MMRN2: variants seen among roughly 807,000 people sequenced by gnomAD.
The protein encoded by MMRN2 is multimerin 2, also known as multimerin-2.
A neutral mutation model predicts 68.8 loss-of-function variants in MMRN2; 53 were observed. That is an observed-to-expected ratio of 0.77 (90% CI 0.62 to 0.97). MMRN2 has a LOEUF of 0.97. Ranked by LOEUF, MMRN2 falls within the 50% of genes least tolerant of loss-of-function variation. The pLI, the probability that MMRN2 is intolerant of heterozygous loss-of-function variation, is 0.00. For missense variants in MMRN2, 1,266 were observed against 1,259.5 expected (o/e 1.01, Z -0.08); for synonymous variants, 564 against 551.6 (o/e 1.02, Z -0.32).
Position 86,943,675 on chromosome 10 carries a change from T to C in MMRN2, c.1109A>G (p.Gln370Arg). 6.2e-7 allele frequency: 1 copy of C among 1,611,726 alleles called. No individual in the cohort carries two copies. Among genetic ancestry groups the C allele is most frequent in the Non-Finnish European group, 8.5e-7 (1 of 1,180,010 alleles). ...AGARPEPDSLQARLGQLQRNL... is the reference protein window; with the variant it reads ...AGARPEPDSLRARLGQLQRNL... Reference sequence around the variant, plus strand: ...CCTCTGCAGCTGGCCCAGCCTGGCCTGCAGGCTGTCCGGCTCAGGCCTTGC... The same window carrying C: ...CCTCTGCAGCTGGCCCAGCCTGGCCCGCAGGCTGTCCGGCTCAGGCCTTGC... Residue 370 changes from glutamine to arginine, a missense_variant, in exon 6 of 7, where the codon CAG becomes CGG. Transcript: ENST00000372027. This position sits in a 1 kb window ranked among gnomAD's most constrained non-coding sequence, Gnocchi z 4.2.
rs867484384 is a variant in MMRN2 at position 86,950,282 on chromosome 10, G to A, written c.165-4593C>T. Among the ~76,000 whole-genome samples the A allele has an allele frequency of 3.9e-5, 6 of 152,036 alleles. No individual in the cohort carries two copies. In the Middle Eastern group the frequency reaches 0.01, roughly 260 times the overall value. ...CTTGACCCGGGAGGCAGAGGTTGTG[G>A]TGGGCCAAGATCACACCATTGCACT... On this transcript the variant is annotated intron_variant, in intron 1 of 6. Transcript: ENST00000372027.
chr10:86,951,036 C>A (rs1178470674), intron 1 of MMRN2, among the ~76,000 whole-genome samples: 2 of 151,982 alleles, frequency 1.3e-5, no homozygotes, highest in South Asian at 2.1e-4. Context: ...TGCAGTGAGC[C>A]AAGATCACGC....
At chr10:86,942,121 G>A (rs1283428425) in intron 6 of MMRN2, among the ~76,000 whole-genome samples, 196 bp downstream of exon 6, 1 of 152,206 alleles carries the variant, frequency 6.6e-6, no homozygotes, top group Admixed American at 6.5e-5. Flanking sequence ...TGTGACTTCT[G>A]TCTCCCCATA....
In MMRN2 at chr10:86,942,742, C is replaced by T; in HGVS notation, c.2042G>A (p.Ser681Asn). 1 of 1,413,810 alleles carries T rather than the reference C, an allele frequency of 7.1e-7. No individual in the cohort carries two copies. The highest frequency in any genetic ancestry group is 2.8e-5 in the East Asian group (1 of 35,168). The allele number at this position is 1,413,810 out of a possible 1,614,324, so 87.6% of individuals were successfully genotyped here. Residue 681 changes from serine to asparagine, a missense_variant, in exon 6 of 7, where the codon AGC (serine) becomes AAC (asparagine). By Grantham distance (46) the Ser-to-Asn change is conservative. Transcript: ENST00000372027. ...PPRPAEHLEPSHDAGREEAAT... is the reference protein window; with the variant it reads ...PPRPAEHLEPNHDAGREEAAT... ...GGCCTCCTCGCGGCCCGCGTCGTGG[C>T]TGGGCTCCAGGTGCTCTGCCGGCCG...
intron 1 of MMRN2, among the ~76,000 whole-genome samples, chr10:86,951,806 G>A (rs1044103491): frequency 1.3e-5 from 2 of 152,334 alleles, no homozygotes; most frequent in African/African-American, 4.8e-5. Flanking sequence ...CCAGCACTTT[G>A]GGAGGCCCAG....
intron 6 of MMRN2, among the ~76,000 whole-genome samples, chr10:86,938,966 C>T (rs1255049565): frequency 2.7e-5 from 4 of 147,628 alleles, no homozygotes; most frequent in African/African-American, 1.0e-4. Context: ...AATTCGAGAC[C>T]AGCGTGACCA....
Position 86,943,690 on chromosome 10 carries a change from T to G in MMRN2, c.1094A>C (p.Glu365Ala). The G allele has an allele frequency of 1.2e-6, 2 of 1,610,660 alleles. No individual in the cohort carries two copies. Among genetic ancestry groups the G allele is most frequent in the Non-Finnish European group, 1.7e-6 (2 of 1,180,000 alleles). ...LATPGAGARP[E>A]PDSLQARLGQ... ...CAGCCTGGCCTGCAGGCTGTCCGGC[T>G]CAGGCCTTGCCCCAGCCCCAGGCGT... Residue 365 changes from glutamate to alanine, a missense_variant, in exon 6 of 7, where the codon GAG (glutamate) becomes GCG (alanine). Coordinates refer to ENST00000372027, the MANE Select transcript of MMRN2 (RefSeq NM_024756.3). This position sits in a 1 kb window ranked among gnomAD's most constrained non-coding sequence, Gnocchi z 4.2.
At chr10:86,942,288 C>T (rs1389853090) in intron 6 of MMRN2, 29 bp downstream of exon 6, 2 of 1,574,212 alleles carry the variant, frequency 1.3e-6, no homozygotes, top group Admixed American at 1.8e-5. Context: ...CTCCTAGGCT[C>T]GTCCAGTCTC....
In MMRN2 at chr10:86,944,302, G is replaced by T; in HGVS notation, c.615C>A (p.Asn205Lys). ...TTGCTTCCATCACTGCAGCTGTGAG[G>T]TTACCAGGCAGGGCTTTCCACAGGC... ...LPGLWKALPGNLTAAVMEANQ... is the reference protein window; with the variant it reads ...LPGLWKALPGKLTAAVMEANQ... Residue 205 changes from asparagine to lysine, a missense_variant, in exon 5 of 7, where the codon AAC becomes AAA. Coordinates refer to ENST00000372027, the MANE Select transcript of MMRN2 (RefSeq NM_024756.3). The T allele has an allele frequency of 6.2e-7, 1 of 1,613,220 alleles. No homozygotes were observed.
In MMRN2 at chr10:86,942,373, T is replaced by G; in HGVS notation, c.2411A>C (p.Asp804Ala). Residue 804 changes from aspartate (D) to alanine (A), a missense_variant, in exon 6 of 7, where the codon GAC (aspartate) becomes GCC (alanine). Transcript: ENST00000372027. ...TGGCACAGGCCCTGTGACCCGTATG[T>G]CCACCAAAGGCTCCGCTTCCTTCTT... Reference protein sequence around the residue: ...RDKKEAEPLVDIRVTGPVPGA... With the variant: ...RDKKEAEPLVAIRVTGPVPGA... 6.2e-7 allele frequency: 1 copy of G among 1,614,122 alleles called. No individual in the cohort carries two copies. The highest frequency in any genetic ancestry group is 8.5e-7 in the Non-Finnish European group (1 of 1,179,988).
At chr10:86,940,313 A>G (rs976479631) in intron 6 of MMRN2, among the ~76,000 whole-genome samples, 1 of 152,140 alleles carries the variant, frequency 6.6e-6, no homozygotes, top group African/African-American at 2.4e-5. Context: ...CCCGGCCTGG[A>G]AATTTGTTTT....
At chr10:86,946,766 G>A (rs1057013956) in intron 1 of MMRN2, among the ~76,000 whole-genome samples, 6 of 152,190 alleles carry the variant, frequency 3.9e-5, no homozygotes, top group East Asian at 1.9e-4. Flanking sequence ...CTTGGGTGCC[G>A]GGTGCTGCAC....
chr10:86,940,803 G>A (rs1843954875), intron 6 of MMRN2, among the ~76,000 whole-genome samples: 1 of 152,238 alleles, frequency 6.6e-6, no homozygotes, highest in Admixed American at 6.5e-5. Context: ...GTGTCTGGGT[G>A]GGGAGAGGCC....
intron 6 of MMRN2, 59 bp downstream of exon 6, chr10:86,942,258 T>A: frequency 6.6e-7 from 1 of 1,525,814 alleles, no homozygotes. Flanking sequence ...GCAGAAGAGC[T>A]GCCGGCAGCC....
chr10:86,949,917 T>G (rs1844124752), intron 1 of MMRN2: 1 of 150,224 alleles, frequency 6.7e-6, no homozygotes, highest in Non-Finnish European at 1.5e-5. Flanking sequence ...ATAATAATAG[T>G]CTTGGGCCAG....
Position 86,939,677 on chromosome 10 carries a change from C to CG in MMRN2, c.2468-2553_2468-2552insC, listed in dbSNP as rs754971521. Among the ~76,000 whole-genome samples, 163 of 151,552 alleles carry CG rather than the reference C, an allele frequency of 1.1e-3. 1 individual carries two copies. The South Asian group carries it at 0.015, about 14-fold the overall frequency. The stretch of plus-strand genomic sequence containing the variant: ...TTCCGCCGCAGAGAGAGACCCCCAC[C>CG]CCAACCCAGCCTTGCGCCTGACAGG... On this transcript the variant is annotated intron_variant, in intron 6 of 6. Transcript: ENST00000372027.
chr10:86,937,018 G>A lies in MMRN2; in HGVS notation c.2575C>T (p.His859Tyr). The A allele has an allele frequency of 6.2e-7, 1 of 1,614,228 alleles. No homozygotes were observed. The stretch of plus-strand genomic sequence containing the variant: ...CGCTCAGGGGCTCGGAAGTAGCCAT[G>A]TTCAGGGAAGTAGCTGCTGCCAATG... ...INIGSSYFPEHGYFRAPERGV... is the reference protein window; with the variant it reads ...INIGSSYFPEYGYFRAPERGV... Residue 859 changes from histidine to tyrosine, a missense_variant, in exon 7 of 7, where the codon CAT (histidine) becomes TAT (tyrosine). Physicochemically the swap from His to Tyr is moderately conservative, Grantham distance 83. Transcript: ENST00000372027.
intron 1 of MMRN2, among the ~76,000 whole-genome samples, chr10:86,955,501 G>C (rs145499849): frequency 0.011 from 1,626 of 152,266 alleles, 33 homozygotes; most frequent in African/African-American, 0.037. Context: ...GCCTAGCCCT[G>C]GGGCTCTGGA....
chr10:86,954,463 T>TG (rs1200236003), intron 1 of MMRN2, among the ~76,000 whole-genome samples: 2 of 152,076 alleles, frequency 1.3e-5, no homozygotes, highest in Non-Finnish European at 2.9e-5. Context: ...AGAGCTGGTG[T>TG]GGGGGGAAGG....
Sources: allele counts gnomAD v4.1 joint callset (sites outside exome capture counted in the v4.1 genomes callset), GRCh38; gene constraint gnomAD v4.1.1; non-coding constraint Gnocchi (gnomAD v3.1); transcripts MANE v1.5; gene names NCBI Gene and HGNC (gene_info 2026-07-23, HGNC 2026-07-21).